The following SPTBN1 variants were observed in gnomAD, a reference collection of about 807,000 sequenced individuals.
SPTBN1 encodes spectrin beta, non-erythrocytic 1.
Under a neutral mutation model 266.4 loss-of-function variants are expected in SPTBN1, and 32 were observed. That is an observed-to-expected ratio of 0.12 (90% CI 0.09 to 0.16). The LOEUF (loss-of-function observed/expected upper bound fraction) is 0.16, where lower values mean the gene tolerates loss of function less well. Ranked by LOEUF, SPTBN1 falls within the 10% of genes least tolerant of loss-of-function variation. The pLI is 1.00. For synonymous variants in SPTBN1, 1,336 were observed against 1,162.2 expected (o/e 1.15, Z -3.04); for missense variants, 2,296 against 3,067.1 (o/e 0.75, Z 5.94).
At chr2:54,638,070 A>G (rs1180658984) in intron 18 of SPTBN1, among the ~76,000 whole-genome samples, 1 of 152,214 alleles carries the variant, frequency 6.6e-6, no homozygotes, top group Non-Finnish European at 1.5e-5. Context: ...CAATGTCTTT[A>G]TGGTTGGTTG....
intron 2 of SPTBN1, among the ~76,000 whole-genome samples, chr2:54,580,638 A>G (rs1462681285): frequency 3.3e-5 from 5 of 151,730 alleles, no homozygotes; most frequent in African/African-American, 1.2e-4. Flanking sequence ...TCTCTCTTGC[A>G]TTGTTTATTG....
At chr2:54,470,534 G>GT (rs768556893) in intron 1 of SPTBN1, among the ~76,000 whole-genome samples, 1 of 152,190 alleles carries the variant, frequency 6.6e-6, no homozygotes, top group Non-Finnish European at 1.5e-5. Flanking sequence ...AATTAAATAT[G>GT]TTTTTTAGCA....
At position 54,646,287 on chromosome 2, in the gene SPTBN1, G is replaced by T. The variant is rs571303667; in HGVS notation, c.4678G>T (p.Ala1560Ser). 2 of 1,614,206 alleles carry T rather than the reference G, an allele frequency of 1.2e-6. No homozygotes were observed. The highest frequency in any genetic ancestry group is 2.2e-5 in the South Asian group (2 of 91,078). ...NIVTDSSSLS[A>S]EAIRQRLADL... The stretch of plus-strand genomic sequence containing the variant: ...CGTCACTGACAGCAGCAGCCTCAGC[G>T]CTGAGGCCATCAGACAGAGGCTTGC... The change falls in exon 23 of 36, where the codon GCT becomes TCT. Residue 1560 changes from alanine to serine, a missense_variant. Transcript: ENST00000356805. The surrounding 1 kb of genome is among the most constrained non-coding windows in gnomAD (Gnocchi z 4.4).
intron 1 of SPTBN1, among the ~76,000 whole-genome samples, chr2:54,493,372 A>G (rs1330318151): frequency 3.4e-5 from 5 of 145,342 alleles, no homozygotes; most frequent in African/African-American, 1.2e-4. Flanking sequence ...TTGCTCTTAC[A>G]TATATATTCT....
chr2:54,626,673 A>G lies in SPTBN1; in HGVS notation c.1644+439A>G, dbSNP rs903571118. ...GAGAGGTCAGGAACCAGGCAGCCAG[A>G]GTTCTGATTGTGAGTGCCTGAGTTG... On this transcript the variant is annotated intron_variant, in intron 12 of 35. Coordinates refer to ENST00000356805, the MANE Select transcript of SPTBN1 (RefSeq NM_003128.3). This position sits in a 1 kb window ranked among gnomAD's most constrained non-coding sequence, Gnocchi z 4.7. 3.3e-5 allele frequency among the ~76,000 whole-genome samples: 5 copies of G among 152,172 alleles called. No individual in the cohort carries two copies. The highest frequency in any genetic ancestry group is 5.9e-5 in the Non-Finnish European group (4 of 68,032).
intron 1 of SPTBN1, among the ~76,000 whole-genome samples, chr2:54,476,600 C>G (rs1166094119): frequency 1.3e-5 from 2 of 152,202 alleles, no homozygotes; most frequent in Non-Finnish European, 2.9e-5. Flanking sequence ...CCAAACTTAC[C>G]TGACCTTTGA....
intron 1 of SPTBN1, among the ~76,000 whole-genome samples, chr2:54,498,267 T>C (rs1298970180): frequency 6.6e-6 from 1 of 152,204 alleles, no homozygotes; most frequent in East Asian, 1.9e-4. Context: ...TTCGGTAGAC[T>C]TGCTGCCGGC....
chr2:54,616,354 G>A, intron 5 of SPTBN1, 56 bp downstream of exon 5: 1 of 1,488,466 alleles, frequency 6.7e-7, no homozygotes, highest in Non-Finnish European at 9.3e-7. Context: ...GAATTCCACT[G>A]CAGTCATCAC....
chr2:54,487,832 C>CTGTTTTTTTTTTTTTT (rs1426296541), intron 1 of SPTBN1, among the ~76,000 whole-genome samples: 1 of 68,644 alleles, frequency 1.5e-5, no homozygotes, highest in Non-Finnish European at 2.6e-5. Context: ...CCTCCTGTGT[C>CTGTTTTTTTTTTTTTT]TTTTTTTTTT....
chr2:54,572,538 G>A (rs1002626085), intron 2 of SPTBN1, among the ~76,000 whole-genome samples: 5 of 152,290 alleles, frequency 3.3e-5, no homozygotes, highest in African/African-American at 7.2e-5. Context: ...GATAGCACAC[G>A]AATGTGCAAA....
At chr2:54,592,397 T>A (rs112400732) in intron 2 of SPTBN1, among the ~76,000 whole-genome samples, 6 of 151,632 alleles carry the variant, frequency 4.0e-5, no homozygotes, top group African/African-American at 1.2e-4. Flanking sequence ...TCTTTTTTTT[T>A]ATCTGAGACA....
intron 1 of SPTBN1, among the ~76,000 whole-genome samples, chr2:54,493,813 T>A (rs1668819806): frequency 6.6e-6 from 1 of 152,266 alleles, no homozygotes; most frequent in Non-Finnish European, 1.5e-5. Context: ...GCCCATGTTG[T>A]ATTACTTAAT....
rs1268502629 is a variant in SPTBN1 at position 54,626,833 on chromosome 2, G to T, written c.1644+599G>T. Among the ~76,000 whole-genome samples the T allele has an allele frequency of 6.6e-6, 1 of 152,204 alleles. No individual in the cohort carries two copies. Among genetic ancestry groups the T allele is most frequent in the Non-Finnish European group, 1.5e-5 (1 of 68,032 alleles). On this transcript the variant is annotated intron_variant, in intron 12 of 35. Transcript: ENST00000356805. The surrounding 1 kb of genome is among the most constrained non-coding windows in gnomAD (Gnocchi z 4.7). Reference sequence around the variant, plus strand: ...TGGGATGGGCTGGATGGCAGTGGCTGGTCATGCCATTTATTGACTGCTCTT... The same window carrying T: ...TGGGATGGGCTGGATGGCAGTGGCTTGTCATGCCATTTATTGACTGCTCTT...
intron 1 of SPTBN1, among the ~76,000 whole-genome samples, chr2:54,491,459 C>G (rs1319693387): frequency 6.6e-6 from 1 of 152,130 alleles, no homozygotes; most frequent in Non-Finnish European, 1.5e-5. Flanking sequence ...GTAAGAATAA[C>G]TTCTTGGAGT....
intron 3 of SPTBN1, among the ~76,000 whole-genome samples, chr2:54,609,141 A>G (rs1338542391): frequency 2.0e-5 from 3 of 152,180 alleles, no homozygotes; most frequent in African/African-American, 7.2e-5. Context: ...GCAGTCTTGA[A>G]TAATTGGAAC....
chr2:54,591,338 C>G (rs977691891), intron 2 of SPTBN1, among the ~76,000 whole-genome samples: 6 of 152,190 alleles, frequency 3.9e-5, no homozygotes, highest in African/African-American at 1.4e-4. Flanking sequence ...ACTTCCATCC[C>G]TGTAATTCCT....
At chr2:54,555,429 C>G (rs901244363) in intron 2 of SPTBN1, among the ~76,000 whole-genome samples, 5 of 152,220 alleles carry the variant, frequency 3.3e-5, no homozygotes, top group Non-Finnish European at 7.3e-5. Flanking sequence ...TTGTCCCTTT[C>G]CTTTGATCCT....
At chr2:54,652,641 T>C (rs1431947301) in intron 26 of SPTBN1, 1 of 151,872 alleles carries the variant, frequency 6.6e-6, no homozygotes, top group Non-Finnish European at 1.5e-5. Context: ...ACATTTATAA[T>C]TTTCATGGGT....
At chr2:54,585,393 T>A (rs1675222492) in intron 2 of SPTBN1, among the ~76,000 whole-genome samples, 1 of 150,856 alleles carries the variant, frequency 6.6e-6, no homozygotes, top group South Asian at 2.1e-4. Flanking sequence ...GGGTTGAATC[T>A]GAGGTCATTT....
Sources: gnomAD v4.1 joint callset for allele counts (sites outside exome capture counted in the v4.1 genomes callset) on GRCh38, gnomAD v4.1.1 for gene constraint, Gnocchi (gnomAD v3.1) non-coding constraint, MANE v1.5 for transcripts, NCBI Gene and HGNC (gene_info 2026-07-23, HGNC 2026-07-21) for gene names.